Variants in SIPA1L2 observed in about 807,000 individuals in gnomAD.
The protein encoded by SIPA1L2 is signal-induced proliferation-associated 1-like protein 2.
Under a neutral mutation model 163.9 loss-of-function variants are expected in SIPA1L2, and 56 were observed. That is an observed-to-expected ratio of 0.34 (90% CI 0.28 to 0.43). The LOEUF (loss-of-function observed/expected upper bound fraction) is 0.43, where lower values mean the gene tolerates loss of function less well. Among genes scored for constraint, SIPA1L2 ranks in the 20% least tolerant of loss-of-function variants. The pLI is 1.00. For synonymous variants in SIPA1L2, 877 were observed against 865.7 expected (o/e 1.01, Z -0.23); for missense variants, 1,974 against 2,193.5 (o/e 0.90, Z 2.00).
intron 5 of SIPA1L2, among the ~76,000 whole-genome samples, chr1:232,488,307 A>G (rs2102989004): frequency 6.6e-6 from 1 of 152,288 alleles, no homozygotes; most frequent in Middle Eastern, 3.4e-3. Context: ...CCTTAGACCA[A>G]TAACAAAATT....
chr1:232,600,486 T>C (rs559369062), intron 1 of SIPA1L2, among the ~76,000 whole-genome samples: 1 of 152,058 alleles, frequency 6.6e-6, no homozygotes, highest in Admixed American at 6.6e-5. Flanking sequence ...AAGTTATGAG[T>C]GTGAAGGGAT....
chr1:232,582,765 C>A (rs1157992691), intron 1 of SIPA1L2, among the ~76,000 whole-genome samples: 2 of 152,178 alleles, frequency 1.3e-5, no homozygotes, highest in Admixed American at 6.5e-5. Flanking sequence ...TGCATTCCCC[C>A]CAACAGTGTA....
intron 21 of SIPA1L2, 187 bp from the exon 22 acceptor site, chr1:232,402,660 G>GA: frequency 6.5e-6 from 3 of 461,090 alleles, no homozygotes; most frequent in Non-Finnish European, 1.2e-5. Flanking sequence ...GGACTTTACT[G>GA]ATTTAAAAAG....
At position 232,493,602 on chromosome 1, in the gene SIPA1L2, C is replaced by T. The variant is rs1158458829; in HGVS notation, c.1542G>A (p.Arg514=). 5 of 1,614,112 alleles carry T rather than the reference C, an allele frequency of 3.1e-6. No homozygotes were observed. Among genetic ancestry groups the T allele is most frequent in the Non-Finnish European group, 4.2e-6 (5 of 1,180,014 alleles). Residue 514 remains arginine (R), a synonymous_variant, in exon 4 of 23, where the codon CGG becomes CGA. Coordinates refer to ENST00000674635, the MANE Select transcript of SIPA1L2 (RefSeq NM_020808.5). ...CCTTGGCATCTTCCACCTTCTCTCT[C>T]CGGATGCTGACTGCTACTGGACCAA... ...ENLGPVAVSI[R]REKVEDAKEK...
chr1:232,462,271 T>C, intron 9 of SIPA1L2: 1 of 1,550,662 alleles, frequency 6.4e-7, no homozygotes, highest in Non-Finnish European at 8.7e-7. Context: ...CACCTATCTG[T>C]GGGAATTTCA....
chr1:232,556,282 T>A (rs1658698185), intron 2 of SIPA1L2, among the ~76,000 whole-genome samples: 1 of 152,332 alleles, frequency 6.6e-6, no homozygotes, highest in African/African-American at 2.4e-5. Context: ...AACATCTATC[T>A]CATCTGTTGG....
At chr1:232,598,402 CCT>C (rs1473304656) in intron 1 of SIPA1L2, among the ~76,000 whole-genome samples, 1 of 152,048 alleles carries the variant, frequency 6.6e-6, no homozygotes, top group African/African-American at 2.4e-5. Context: ...AGAATGAAAC[CCT>C]CTCTCTAAAA....
At chr1:232,585,355 A>G (rs926262681) in intron 1 of SIPA1L2, among the ~76,000 whole-genome samples, 2 of 152,198 alleles carry the variant, frequency 1.3e-5, no homozygotes, top group African/African-American at 4.8e-5. Context: ...GTAAAAGAAG[A>G]TATTTACAAT....
chr1:232,442,062 T>C (rs1662933457), intron 12 of SIPA1L2, among the ~76,000 whole-genome samples, 194 bp from the exon 13 acceptor site: 2 of 152,122 alleles, frequency 1.3e-5, no homozygotes, highest in African/African-American at 2.4e-5. Context: ...TTGTGGGATC[T>C]GGTTTAACCA....
intron 2 of SIPA1L2, among the ~76,000 whole-genome samples, chr1:232,551,206 A>G (rs1369649134): frequency 6.6e-6 from 1 of 152,226 alleles, no homozygotes; most frequent in Non-Finnish European, 1.5e-5. Flanking sequence ...TAGGCACTCC[A>G]AAACCAAAAA....
chr1:232,439,456 G>C lies in SIPA1L2; in HGVS notation c.3683C>G (p.Thr1228Arg). Residue 1228 changes from threonine (T) to arginine (R), a missense_variant, in exon 15 of 23, where the codon ACG becomes AGG. Coordinates refer to ENST00000674635, the MANE Select transcript of SIPA1L2 (RefSeq NM_020808.5). Reference protein sequence around the residue: ...KSCSSHSSSNTLSSNTSSNSD... With the variant: ...KSCSSHSSSNRLSSNTSSNSD... The stretch of plus-strand genomic sequence containing the variant: ...GTTGCTGGAGGTGTTGCTGGAGAGC[G>C]TGTTGCTGCTGGAGTGACTGGAGCA... 6.2e-7 allele frequency: 1 copy of C among 1,614,134 alleles called. No homozygotes were observed. The highest frequency in any genetic ancestry group is 8.5e-7 in the Non-Finnish European group (1 of 1,180,004).
chr1:232,597,689 CAAAAAA>C (rs376123118), intron 1 of SIPA1L2, among the ~76,000 whole-genome samples: 10 of 65,400 alleles, frequency 1.5e-4, no homozygotes, highest in East Asian at 9.4e-4. Flanking sequence ...AACTCTGTCT[CAAAAAA>C]AAAAAAAAAA....
At chr1:232,444,737 A>G (rs1296062067) in intron 11 of SIPA1L2, among the ~76,000 whole-genome samples, 1 of 152,216 alleles carries the variant, frequency 6.6e-6, no homozygotes. Flanking sequence ...CTGGAGGTTC[A>G]GAGAGGATGA....
chr1:232,410,437 C>A (rs544839875), intron 19 of SIPA1L2, among the ~76,000 whole-genome samples: 1 of 152,162 alleles, frequency 6.6e-6, no homozygotes, highest in South Asian at 2.1e-4. Flanking sequence ...TCTAAGCTTT[C>A]TCATACTAAT....
At chr1:232,540,243 G>A (rs773081696) in intron 2 of SIPA1L2, among the ~76,000 whole-genome samples, 9 of 152,118 alleles carry the variant, frequency 5.9e-5, no homozygotes, top group Non-Finnish European at 4.4e-5. Flanking sequence ...GGTGGACGTT[G>A]CAGTGGGCCG....
intron 2 of SIPA1L2, among the ~76,000 whole-genome samples, chr1:232,563,551 C>T (rs1450195762): frequency 6.6e-6 from 1 of 152,158 alleles, no homozygotes; most frequent in Non-Finnish European, 1.5e-5. Context: ...TTGAATATGG[C>T]TTTCAAGTTT....
intron 1 of SIPA1L2, among the ~76,000 whole-genome samples, chr1:232,588,470 A>C (rs1660786359): frequency 6.6e-6 from 1 of 152,250 alleles, no homozygotes; most frequent in African/African-American, 2.4e-5. Context: ...CAAGTGAAAT[A>C]TATAAACATT....
At chr1:232,589,426 C>A (rs1198776583) in intron 1 of SIPA1L2, among the ~76,000 whole-genome samples, 1 of 152,190 alleles carries the variant, frequency 6.6e-6, no homozygotes, top group Non-Finnish European at 1.5e-5. Context: ...CCACCATTGG[C>A]TGAGAGGCTT....
chr1:232,497,943 A>C (rs896179283), intron 3 of SIPA1L2, among the ~76,000 whole-genome samples: 1 of 152,174 alleles, frequency 6.6e-6, no homozygotes, highest in Non-Finnish European at 1.5e-5. Context: ...AGGTCTAGGG[A>C]AGCACACTCC....
Sources: allele counts gnomAD v4.1 joint callset (sites outside exome capture counted in the v4.1 genomes callset), GRCh38; gene constraint gnomAD v4.1.1; transcripts MANE v1.5; gene names NCBI Gene and HGNC (gene_info 2026-07-23, HGNC 2026-07-21).